The following SLC16A10 variants were observed in gnomAD, a reference collection of about 807,000 sequenced individuals.
SLC16A10 encodes solute carrier family 16 member 10, also known as monocarboxylate transporter 10.
In SLC16A10, 27 loss-of-function variants were observed where a neutral mutation model predicts 40.0. That is an observed-to-expected ratio of 0.67 (90% CI 0.50 to 0.93). The LOEUF (loss-of-function observed/expected upper bound fraction) is 0.93, where lower values mean the gene tolerates loss of function less well. Ranked by LOEUF, SLC16A10 falls within the 40% of genes least tolerant of loss-of-function variation. SLC16A10 has a pLI of 0.00. For synonymous variants in SLC16A10, 213 were observed against 249.8 expected (o/e 0.85, Z 1.39); for missense variants, 529 against 658.2 (o/e 0.80, Z 2.15).
Position 111,222,210 on chromosome 6 carries a change from A to G in SLC16A10, c.1523A>G (p.Lys508Arg). The stretch of plus-strand genomic sequence containing the variant: ...CTGTCAAGTTCATCTGGAATGTTCA[A>G]GAAAGAATCTGACTCTATTATTTAA... ...SLLSSSSGMFKKESDSII is the reference protein window; with the variant it reads ...SLLSSSSGMFRKESDSII Residue 508 changes from lysine (K) to arginine (R), a missense_variant, in exon 6 of 6, where the codon AAG (lysine) becomes AGG (arginine). Physicochemically the swap from Lys to Arg is conservative, Grantham distance 26 (BLOSUM62 2). Transcript: ENST00000368851. 1 of 1,605,166 alleles carries G rather than the reference A, an allele frequency of 6.2e-7. No homozygotes were observed. The highest frequency in any genetic ancestry group is 8.5e-7 in the Non-Finnish European group (1 of 1,177,770).
In SLC16A10 at chr6:111,230,025, C is replaced by T. The variant is rs1442021107; in HGVS notation, c.*7790C>T. On this transcript the variant is annotated 3_prime_UTR_variant, in exon 6 of 6. Transcript: ENST00000368851. ...TTTTTTTTTGAGATGGAGTCTTGCT[C>T]TATTGCCAGGCTCCATATAGTGGCG... 2.2e-5 allele frequency: 2 copies of T among 92,718 alleles called. No homozygotes were observed. Among genetic ancestry groups the T allele is most frequent in the Non-Finnish European group, 3.8e-5 (2 of 52,636 alleles). 5.7% of individuals were successfully genotyped at this position (92,718 alleles called of 1,614,324 possible). A position where few individuals can be genotyped will look rare whatever the true frequency, so the allele number is the denominator to read the frequency against.
chr6:111,120,057 G>T (rs985107688), intron 1 of SLC16A10, among the ~76,000 whole-genome samples: 2 of 152,222 alleles, frequency 1.3e-5, no homozygotes, highest in African/African-American at 4.8e-5. Context: ...ATAAAAAAGT[G>T]TGGTCATGAC....
At chr6:111,185,667 T>C (rs891804126) in intron 3 of SLC16A10, among the ~76,000 whole-genome samples, 7 of 152,148 alleles carry the variant, frequency 4.6e-5, no homozygotes, top group African/African-American at 1.7e-4. Flanking sequence ...ACAGTAAACA[T>C]TAAGCATAAC....
Position 111,206,653 on chromosome 6 carries a change from T to C in SLC16A10, c.1004T>C (p.Ile335Thr). ...EKNKEVVLMC[I>T]GVTSGVGRLL... Reference sequence around the variant, plus strand: ...AATAAAGAGGTTGTTCTCATGTGCATTGGCGTCACTTCAGGAGTTGGACGA... The same window carrying C: ...AATAAAGAGGTTGTTCTCATGTGCACTGGCGTCACTTCAGGAGTTGGACGA... The change falls in exon 4 of 6, where the codon ATT (isoleucine) becomes ACT (threonine). Residue 335 changes from isoleucine to threonine, a missense_variant. Ile to Thr is a moderately conservative substitution (Grantham distance 89). Transcript: ENST00000368851. 2 of 1,614,202 alleles carry C rather than the reference T, an allele frequency of 1.2e-6. No homozygotes were observed. Among genetic ancestry groups the C allele is most frequent in the East Asian group, 2.2e-5 (1 of 44,872 alleles).
At position 111,211,284 on chromosome 6, in the gene SLC16A10, C is replaced by G. The variant is rs552615727; in HGVS notation, c.1086+4549C>G. ...AAACAATGTTTGAACGTCCTCCTAC[C>G]CTAGATAGGGCAGACAGATTATCTG... On this transcript the variant is annotated intron_variant, in intron 4 of 5. Coordinates refer to ENST00000368851, the MANE Select transcript of SLC16A10 (RefSeq NM_018593.5). 9.2e-5 allele frequency among the ~76,000 whole-genome samples: 14 copies of G among 152,142 alleles called. No homozygotes were observed. The South Asian group carries it at 2.5e-3, about 27-fold the overall frequency.
At chr6:111,090,866 T>C (rs752899970) in intron 1 of SLC16A10, among the ~76,000 whole-genome samples, 4 of 152,246 alleles carry the variant, frequency 2.6e-5, no homozygotes, top group Non-Finnish European at 4.4e-5. Flanking sequence ...ACCGTACTCA[T>C]GATGGATAAT....
chr6:111,197,655 C>T (rs946665542), intron 3 of SLC16A10, among the ~76,000 whole-genome samples: 4 of 152,052 alleles, frequency 2.6e-5, no homozygotes, highest in Admixed American at 2.6e-4. Flanking sequence ...TTAATTGGCT[C>T]ACGATTCTGC....
intron 1 of SLC16A10, among the ~76,000 whole-genome samples, chr6:111,150,783 AGAAGTCCCT>A (rs1772159677): frequency 6.6e-6 from 1 of 152,306 alleles, no homozygotes; most frequent in South Asian, 2.1e-4. Flanking sequence ...GACTCCACTG[AGAAGTCCCT>A]GAATGGATAG....
At chr6:111,100,452 G>A (rs1249608798) in intron 1 of SLC16A10, among the ~76,000 whole-genome samples, 3 of 151,896 alleles carry the variant, frequency 2.0e-5, no homozygotes, top group East Asian at 1.9e-4. Flanking sequence ...GCAGTGGTGC[G>A]ATCTCGGCTC....
chr6:111,094,378 A>G (rs1402131468), intron 1 of SLC16A10, among the ~76,000 whole-genome samples: 1 of 152,204 alleles, frequency 6.6e-6, no homozygotes, highest in Non-Finnish European at 1.5e-5. Context: ...CAGCTACACC[A>G]TACAACCTTC....
chr6:111,136,797 C>T (rs1771887163), intron 1 of SLC16A10, among the ~76,000 whole-genome samples: 1 of 152,226 alleles, frequency 6.6e-6, no homozygotes. Flanking sequence ...AATCCTCTGA[C>T]TCCAGGAACT....
intron 1 of SLC16A10, among the ~76,000 whole-genome samples, chr6:111,119,365 A>G (rs1771543662): frequency 6.6e-6 from 1 of 152,246 alleles, no homozygotes; most frequent in African/African-American, 2.4e-5. Flanking sequence ...GCTTCATACA[A>G]CAAGTAAACA....
intron 1 of SLC16A10, among the ~76,000 whole-genome samples, chr6:111,113,345 C>T (rs1771424223): frequency 6.6e-6 from 1 of 152,108 alleles, no homozygotes; most frequent in African/African-American, 2.4e-5. Flanking sequence ...AAAGTAAGGG[C>T]TCCATGTGTG....
intron 1 of SLC16A10, among the ~76,000 whole-genome samples, chr6:111,154,572 G>T (rs887359739): frequency 1.3e-5 from 2 of 152,090 alleles, no homozygotes; most frequent in African/African-American, 4.8e-5. Flanking sequence ...TTGCCCCTTT[G>T]TTTCTTATAG....
rs1347844763 is a variant in SLC16A10, at chr6:111,230,699, T to C, written c.*8464T>C. ...TACAACAAATTGAACCCTGTAGTTA[T>C]TACTGAAAGAGAGTGTGGATATTTT... On this transcript the variant is annotated 3_prime_UTR_variant, in exon 6 of 6. Transcript: ENST00000368851. 6.6e-6 allele frequency: 1 copy of C among 152,252 alleles called. No individual in the cohort carries two copies. The highest frequency in any genetic ancestry group is 1.5e-5 in the Non-Finnish European group (1 of 68,040). 9.4% of individuals were successfully genotyped at this position (152,252 alleles called of 1,614,324 possible).
intron 1 of SLC16A10, among the ~76,000 whole-genome samples, chr6:111,148,738 G>A (rs1314861232): frequency 2.0e-5 from 3 of 152,204 alleles, no homozygotes; most frequent in African/African-American, 7.2e-5. Flanking sequence ...TCCACCCTGT[G>A]TCTGTGTGGC....
chr6:111,092,467 C>T lies in SLC16A10; in HGVS notation c.343+4372C>T, dbSNP rs144938450. Among the ~76,000 whole-genome samples the T allele has an allele frequency of 2.3e-3, 352 of 151,694 alleles. 10 individuals carry two copies. In the East Asian group the frequency reaches 0.06, roughly 26 times the overall value. ...GAGTAGCTGGACTACCTGCGCTTGC[C>T]ACCACACCTGGCTAATTTTTGTATT... On this transcript the variant is annotated intron_variant, in intron 1 of 5. Transcript: ENST00000368851.
intron 1 of SLC16A10, among the ~76,000 whole-genome samples, chr6:111,092,916 G>A (rs1025021287): frequency 6.6e-6 from 1 of 151,508 alleles, no homozygotes; most frequent in Non-Finnish European, 1.5e-5. Flanking sequence ...TGGCGGATGC[G>A]TGTAATCCCA....
At chr6:111,203,583 G>A (rs909705399) in intron 3 of SLC16A10, among the ~76,000 whole-genome samples, 1 of 151,936 alleles carries the variant, frequency 6.6e-6, no homozygotes, top group Non-Finnish European at 1.5e-5. Flanking sequence ...TTAGCTGGGC[G>A]TGGTGGTGCA....
Sources: allele counts gnomAD v4.1 joint callset (sites outside exome capture counted in the v4.1 genomes callset), GRCh38; gene constraint gnomAD v4.1.1; transcripts MANE v1.5; gene names NCBI Gene and HGNC (gene_info 2026-07-23, HGNC 2026-07-21).